The following RBFOX3 variants were observed in gnomAD, a reference collection of about 807,000 sequenced individuals.
RBFOX3 encodes RNA binding fox-1 homolog 3.
Under a neutral mutation model 48.7 loss-of-function variants are expected in RBFOX3, and 17 were observed. The ratio of observed to expected loss-of-function variants is 0.35; its 90% confidence interval spans 0.24 to 0.52. The LOEUF is 0.52. RBFOX3 is among the 20% of genes least tolerant of loss of function. The pLI is 0.94. For missense variants in RBFOX3, 382 were observed against 497.5 expected, an observed-to-expected ratio of 0.77 and a Z score of 2.21; for synonymous variants, 212 against 209.5, an observed-to-expected ratio of 1.01 and a Z score of -0.10.
chr17:79,118,842 T>C (rs2034862305), intron 4 of RBFOX3, among the ~76,000 whole-genome samples: 1 of 150,420 alleles, frequency 6.6e-6, no homozygotes, highest in African/African-American at 2.4e-5. Flanking sequence ...CCAGGTGTGG[T>C]GGCACATGCC....
In RBFOX3 at chr17:79,418,119, C is replaced by T. The variant is rs1555720092; in HGVS notation, c.-175+64335G>A. ...GAGCTTCAGGTTAGAAAGATGAGAA[C>T]ATTCTGGAGATGGATGGTGATGGCC... On this transcript the variant is annotated intron_variant, in intron 2 of 14. Transcript: ENST00000693108. This position sits in a 1 kb window ranked among gnomAD's most constrained non-coding sequence, Gnocchi z 5.0. 2.0e-5 allele frequency among the ~76,000 whole-genome samples: 3 copies of T among 152,196 alleles called. No homozygotes were observed.
intron 3 of RBFOX3, among the ~76,000 whole-genome samples, chr17:79,266,736 A>G (rs2066770113): frequency 6.6e-6 from 1 of 152,106 alleles, no homozygotes. Context: ...ATGGAGTTCA[A>G]TCAGGTGTCC....
At chr17:79,491,228 G>A (rs2080583757) in intron 1 of RBFOX3, among the ~76,000 whole-genome samples, 1 of 145,106 alleles carries the variant, frequency 6.9e-6, no homozygotes, top group African/African-American at 2.6e-5. Flanking sequence ...AGAAGGGGTA[G>A]GGGAAATGTC....
chr17:79,397,612 A>G (rs2062186019), intron 2 of RBFOX3, among the ~76,000 whole-genome samples: 1 of 149,508 alleles, frequency 6.7e-6, no homozygotes, highest in Non-Finnish European at 1.5e-5. Flanking sequence ...GCTTCGGGCC[A>G]GGTGAGCTGG....
In RBFOX3 at chr17:79,391,986, C is replaced by T. The variant is rs1003274763; in HGVS notation, c.-174-84162G>A. The stretch of plus-strand genomic sequence containing the variant: ...TGGTGGAAGGAAACTTGTATGGCAA[C>T]GCTCCCGCCAGGGCCCCGCGATGGT... On this transcript the variant is annotated intron_variant, in intron 2 of 14. Coordinates refer to ENST00000693108, the MANE Select transcript of RBFOX3 (RefSeq NM_001350451.2). This position sits in a 1 kb window ranked among gnomAD's most constrained non-coding sequence, Gnocchi z 5.0. Among the ~76,000 whole-genome samples, 3 of 152,166 alleles carry T rather than the reference C, an allele frequency of 2.0e-5. No homozygotes were observed. Among genetic ancestry groups the T allele is most frequent in the Admixed American group, 6.5e-5 (1 of 15,272 alleles).
chr17:79,477,625 G>A lies in RBFOX3; in HGVS notation c.-175+4829C>T, dbSNP rs2078128552. ...CAGAAGCAATGGAGTGGGGCCCCAG[G>A]TCCTTGTCTCATGTCCTCTTTCTCA... is the stretch of plus-strand genomic sequence containing the variant. On this transcript the variant is annotated intron_variant, in intron 2 of 14. Transcript: ENST00000693108. This position sits in a 1 kb window ranked among gnomAD's most constrained non-coding sequence, Gnocchi z 4.8. Among the ~76,000 whole-genome samples the A allele has an allele frequency of 6.6e-6, 1 of 152,120 alleles. No homozygotes were observed. The highest frequency in any genetic ancestry group is 2.4e-5 in the African/African-American group (1 of 41,426).
At chr17:79,574,684 A>G (rs1433351970) in intron 1 of RBFOX3, among the ~76,000 whole-genome samples, 1 of 152,220 alleles carries the variant, frequency 6.6e-6, no homozygotes, top group African/African-American at 2.4e-5. Context: ...TGCTCCGCCT[A>G]TGGAGTAGCC....
chr17:79,333,451 C>T (rs545135513), intron 2 of RBFOX3, among the ~76,000 whole-genome samples: 1 of 152,256 alleles, frequency 6.6e-6, no homozygotes, highest in South Asian at 2.1e-4. Flanking sequence ...ATTATTTTTA[C>T]ACCAGAGAAA....
intron 3 of RBFOX3, among the ~76,000 whole-genome samples, chr17:79,240,790 A>T (rs1472806419): frequency 6.6e-6 from 1 of 151,758 alleles, no homozygotes; most frequent in Non-Finnish European, 1.5e-5. Flanking sequence ...CAGCCTTCCA[A>T]GTAGCTGGGA....
chr17:79,546,871 T>C (rs565373220), intron 1 of RBFOX3, among the ~76,000 whole-genome samples: 6 of 151,880 alleles, frequency 4.0e-5, no homozygotes, highest in South Asian at 2.1e-4. Flanking sequence ...GGTTTCTCCA[T>C]GTTGGTCAGG....
rs1458221646 is a variant in RBFOX3 at position 79,307,752 on chromosome 17, AG to A, written c.-103del. The A allele has an allele frequency of 6.5e-6, 1 of 153,792 alleles. No homozygotes were observed. The highest frequency in any genetic ancestry group is 1.5e-5 in the Non-Finnish European group (1 of 68,064). The allele number at this position is 153,792 out of a possible 1,614,324, so 9.5% of individuals were successfully genotyped here. On this transcript the variant is annotated 5_prime_UTR_variant, in exon 3 of 15. Coordinates refer to ENST00000693108, the MANE Select transcript of RBFOX3 (RefSeq NM_001350451.2). ...TTTGCAGAGGGATGGCTCCAGGAGC[AG>A]GTTCCCAGCTGGAGGGGCTGCAGAC...
At chr17:79,456,479 G>C (rs79285628) in intron 2 of RBFOX3, among the ~76,000 whole-genome samples, 2 of 152,000 alleles carry the variant, frequency 1.3e-5, no homozygotes, top group African/African-American at 4.8e-5. Flanking sequence ...CCCTGCTGGA[G>C]AGAACCCGCC....
chr17:79,384,538 A>T (rs1253315132), intron 2 of RBFOX3, among the ~76,000 whole-genome samples: 4 of 152,208 alleles, frequency 2.6e-5, no homozygotes, highest in Non-Finnish European at 5.9e-5. Context: ...CTGCAAAGCC[A>T]GCTTCCAAAC....
chr17:79,115,454 GA>G, intron 5 of RBFOX3, 39 bp downstream of exon 5: 2 of 1,250,756 alleles, frequency 1.6e-6, no homozygotes, highest in Non-Finnish European at 1.0e-6. Context: ...GCTCCTCCCT[GA>G]AGCTCCAGGG....
chr17:79,545,071 G>C (rs942200365), intron 1 of RBFOX3, among the ~76,000 whole-genome samples: 2 of 152,008 alleles, frequency 1.3e-5, no homozygotes, highest in African/African-American at 2.4e-5. Flanking sequence ...ATGAATCCTG[G>C]GGGGAAGGAG....
chr17:79,551,574 ATAGG>A (rs1195582903), intron 1 of RBFOX3, among the ~76,000 whole-genome samples: 3 of 151,014 alleles, frequency 2.0e-5, no homozygotes, highest in African/African-American at 7.3e-5. Context: ...AGGTGGATAG[ATAGG>A]TAGGTGGATC....
intron 4 of RBFOX3, among the ~76,000 whole-genome samples, chr17:79,130,814 C>A (rs2038658288): frequency 6.6e-6 from 1 of 152,256 alleles, no homozygotes; most frequent in African/African-American, 2.4e-5. Context: ...GCCTGCCATG[C>A]TCTAAGCTCT....
the RBFOX3 span, among the ~76,000 whole-genome samples, chr17:79,625,967 T>G: frequency 2.0e-5 from 3 of 152,198 alleles, no homozygotes; most frequent in Non-Finnish European, 4.4e-5. Flanking sequence ...GACGAGGTGC[T>G]GTTTATGGTT....
Position 79,307,561 on chromosome 17 carries a change from C to T in RBFOX3, c.-74+163G>A, listed in dbSNP as rs559453690. On this transcript the variant is annotated intron_variant, in intron 3 of 14. Coordinates refer to ENST00000693108, the MANE Select transcript of RBFOX3 (RefSeq NM_001350451.2). ...AAAAGCACAGAGGAGTTAGGGAACC[C>T]CATGGTGGGGACCCTCCTCTCTGCA... Among the ~76,000 whole-genome samples the T allele has an allele frequency of 6.6e-5, 10 of 152,312 alleles. 2 individuals carry two copies. In the South Asian group the frequency reaches 2.1e-3, roughly 32 times the overall value.
Sources: gnomAD v4.1 joint callset for allele counts (sites outside exome capture counted in the v4.1 genomes callset) on GRCh38, gnomAD v4.1.1 for gene constraint, Gnocchi (gnomAD v3.1) non-coding constraint, MANE v1.5 for transcripts, NCBI Gene and HGNC (gene_info 2026-07-23, HGNC 2026-07-21) for gene names.